Variants in CAMTA1 observed in about 807,000 individuals in gnomAD.
The protein encoded by CAMTA1 is calmodulin-binding transcription activator 1.
A neutral mutation model predicts 170.9 loss-of-function variants in CAMTA1; 27 were observed. That is an observed-to-expected ratio of 0.16 (90% CI 0.12 to 0.22). The LOEUF is 0.22. Among genes scored for constraint, CAMTA1 ranks in the 10% least tolerant of loss-of-function variants. The pLI, the probability that CAMTA1 is intolerant of heterozygous loss-of-function variation, is 1.00. For missense variants in CAMTA1, 1,619 were observed against 2,217.2 expected (o/e 0.73, Z 5.42); for synonymous variants, 833 against 891.5 (o/e 0.93, Z 1.17).
At position 7,432,011 on chromosome 1, in the gene CAMTA1, G is replaced by C. The variant is rs144937948; in HGVS notation, c.439-35819G>C. On this transcript the variant is annotated intron_variant, in intron 5 of 22. Transcript: ENST00000303635. ...AACAACCTGGGCCCTGAGCCAGGCA[G>C]AGGCAACCCTGGTCCCCAAGAAGCC... Among the ~76,000 whole-genome samples, 356 of 152,344 alleles carry C rather than the reference G, an allele frequency of 2.3e-3. 5 individuals are homozygous for C. The highest frequency in any genetic ancestry group is 0.018 in the Admixed American group (275 of 15,298).
chr1:7,732,610 G>A lies in CAMTA1; in HGVS notation c.3066+11G>A, dbSNP rs2096742208. 1 of 1,582,628 alleles carries A rather than the reference G, an allele frequency of 6.3e-7. No homozygotes were observed. The highest frequency in any genetic ancestry group is 1.8e-5 in the Admixed American group (1 of 55,106). On this transcript the variant is annotated intron_variant, in intron 12 of 22. Transcript: ENST00000303635. This position sits in a 1 kb window ranked among gnomAD's most constrained non-coding sequence, Gnocchi z 4.1. ...GGGAGCCAGGCACAGGTACGAGGCG[G>A]TGCTGATGCTCAGCTCCCATTTCGC...
intron 11 of CAMTA1, among the ~76,000 whole-genome samples, chr1:7,689,566 G>A (rs1359270104): frequency 6.6e-6 from 1 of 151,828 alleles, no homozygotes; most frequent in African/African-American, 2.4e-5. Flanking sequence ...GTGACAGAGC[G>A]AGACCATCTC....
At chr1:7,396,889 C>T (rs1367887688) in intron 5 of CAMTA1, among the ~76,000 whole-genome samples, 1 of 152,140 alleles carries the variant, frequency 6.6e-6, no homozygotes, top group East Asian at 1.9e-4. Flanking sequence ...CTGTTGAATT[C>T]AGTTTGCTAG....
intron 5 of CAMTA1, among the ~76,000 whole-genome samples, chr1:7,311,854 G>T (rs564200348): frequency 6.6e-6 from 1 of 152,188 alleles, no homozygotes; most frequent in African/African-American, 2.4e-5. Flanking sequence ...GGGCTGTCCT[G>T]TGTGTGCACC....
At chr1:7,342,518 G>A (rs2083909898) in intron 5 of CAMTA1, among the ~76,000 whole-genome samples, 2 of 152,156 alleles carry the variant, frequency 1.3e-5, no homozygotes, top group African/African-American at 4.8e-5. Context: ...CCAGGGGTCT[G>A]GGATGGGAAG....
intron 6 of CAMTA1, among the ~76,000 whole-genome samples, chr1:7,552,350 T>C (rs2094814586): frequency 6.6e-6 from 1 of 152,248 alleles, no homozygotes; most frequent in Non-Finnish European, 1.5e-5. Context: ...CAGAGCTTGC[T>C]GCACAGGGTC....
At chr1:7,276,303 A>ATATATATATATATTTTTTTTT in intron 5 of CAMTA1, among the ~76,000 whole-genome samples, 1 of 24,226 alleles carries the variant, frequency 4.1e-5, no homozygotes, top group East Asian at 1.5e-3. Flanking sequence ...ATATATATAT[A>ATATATATATATATTTTTTTTT]TTTTTTTTTT....
intron 4 of CAMTA1, among the ~76,000 whole-genome samples, chr1:7,239,568 C>A (rs1664483983): frequency 6.6e-6 from 1 of 151,560 alleles, no homozygotes. Flanking sequence ...GATACCATGT[C>A]CCAGCGCCCT....
At chr1:6,902,499 G>T (rs769380357) in intron 3 of CAMTA1, among the ~76,000 whole-genome samples, 11 of 152,204 alleles carry the variant, frequency 7.2e-5, no homozygotes, top group Non-Finnish European at 1.3e-4. Flanking sequence ...AGCCAAAATT[G>T]TATGGGAAGA....
intron 6 of CAMTA1, among the ~76,000 whole-genome samples, chr1:7,473,964 A>G (rs2093376931): frequency 6.6e-6 from 1 of 152,206 alleles, no homozygotes; most frequent in Non-Finnish European, 1.5e-5. Context: ...AGGTCTAGGC[A>G]TCCTGCAGGG....
intron 5 of CAMTA1, among the ~76,000 whole-genome samples, chr1:7,410,060 G>C (rs1298371303): frequency 6.6e-6 from 1 of 152,224 alleles, no homozygotes; most frequent in South Asian, 2.1e-4. Context: ...GTTTCAAAGA[G>C]CAAAGGATGT....
intron 5 of CAMTA1, among the ~76,000 whole-genome samples, chr1:7,344,820 T>C (rs1557556493): frequency 6.6e-6 from 1 of 151,410 alleles, no homozygotes; most frequent in African/African-American, 2.4e-5. Context: ...TGATCTTGGC[T>C]CACTGCAAGC....
chr1:6,902,478 CCTT>C (rs1677335720), intron 3 of CAMTA1, among the ~76,000 whole-genome samples: 2 of 152,274 alleles, frequency 1.3e-5, no homozygotes, highest in Admixed American at 6.5e-5. Flanking sequence ...GTTTATGTGA[CCTT>C]CTGGAAAAGC....
intron 4 of CAMTA1, among the ~76,000 whole-genome samples, chr1:7,094,090 G>A (rs1030822510): frequency 6.6e-6 from 1 of 152,178 alleles, no homozygotes; most frequent in Non-Finnish European, 1.5e-5. Context: ...GGTTTGGAAG[G>A]ACGAATTTCT....
rs74864912 is a variant in CAMTA1 at position 6,816,115 on chromosome 1, C to T, written c.46-4066C>T. On this transcript the variant is annotated intron_variant, in intron 1 of 22. Transcript: ENST00000303635. ...GAGTTTTGGAGATTTCACTAGATGA[C>T]TGGCTAAGGCTGAGAACCATTGATT... Among the ~76,000 whole-genome samples, 50 of 152,308 alleles carry T rather than the reference C, an allele frequency of 3.3e-4. No homozygotes were observed. In the East Asian group the frequency reaches 7.9e-3, roughly 24 times the overall value.
chr1:7,252,307 G>C (rs1285275849), intron 5 of CAMTA1, among the ~76,000 whole-genome samples: 7 of 152,204 alleles, frequency 4.6e-5, no homozygotes, highest in Non-Finnish European at 7.3e-5. Flanking sequence ...ATTTGAGTTT[G>C]TCTTAATTAT....
chr1:6,892,067 T>G (rs55829249), intron 3 of CAMTA1, among the ~76,000 whole-genome samples: 20,416 of 152,308 alleles, frequency 0.13, 1,812 homozygotes, highest in Admixed American at 0.28. Context: ...TTGAAACTGC[T>G]GTGGTTCCCC....
intron 4 of CAMTA1, among the ~76,000 whole-genome samples, chr1:7,241,136 C>G (rs1238069363): frequency 1.3e-5 from 2 of 152,124 alleles, no homozygotes; most frequent in African/African-American, 4.8e-5. Flanking sequence ...AATTGTATTT[C>G]TATATAGTAC....
chr1:7,255,693 A>T (rs1237841980), intron 5 of CAMTA1, among the ~76,000 whole-genome samples: 4 of 152,172 alleles, frequency 2.6e-5, no homozygotes, highest in Non-Finnish European at 4.4e-5. Context: ...TGTATCTGGT[A>T]TCCAAATCTA....
Sources: allele counts gnomAD v4.1 joint callset (sites outside exome capture counted in the v4.1 genomes callset), GRCh38; gene constraint gnomAD v4.1.1; non-coding constraint Gnocchi (gnomAD v3.1); transcripts MANE v1.5; gene names NCBI Gene and HGNC (gene_info 2026-07-23, HGNC 2026-07-21).